The following RBFOX1 variants were observed in gnomAD, a reference collection of about 807,000 sequenced individuals.
RBFOX1 encodes the protein RNA binding fox-1 homolog 1.
In RBFOX1, 8 loss-of-function variants were observed where a neutral mutation model predicts 57.7. The ratio of observed to expected loss-of-function variants is 0.14; its 90% CI spans 0.08 to 0.25. The LOEUF is 0.25. Ranked by LOEUF, RBFOX1 falls within the 10% of genes least tolerant of loss-of-function variation. The pLI is 1.00. For missense variants in RBFOX1, 611 were observed against 548.5 expected, an observed-to-expected ratio of 1.11 and a Z score of -1.14; for synonymous variants, 326 against 222.4, an observed-to-expected ratio of 1.47 and a Z score of -4.15.
intron 2 of RBFOX1, among the ~76,000 whole-genome samples, chr16:6,554,606 C>G (rs750705484): frequency 6.6e-6 from 1 of 152,074 alleles, no homozygotes; most frequent in African/African-American, 2.4e-5. Flanking sequence ...TAAATAAACC[C>G]AAATTTAAAG....
intron 1 of RBFOX1, among the ~76,000 whole-genome samples, chr16:6,146,018 A>G (rs911307063): frequency 3.3e-5 from 5 of 152,202 alleles, no homozygotes; most frequent in African/African-American, 9.6e-5. Context: ...GGAGGTTAAG[A>G]TGATAATCTA....
intron 5 of RBFOX1, among the ~76,000 whole-genome samples, chr16:7,574,250 G>A (rs2093085744): frequency 1.3e-5 from 2 of 152,138 alleles, no homozygotes; most frequent in South Asian, 4.1e-4. Flanking sequence ...GCTGGAGAGA[G>A]GAAGACTTAA....
At chr16:6,478,429 A>T (rs79399608) in intron 2 of RBFOX1, among the ~76,000 whole-genome samples, 7,083 of 23,826 alleles carry the variant, frequency 0.3, 917 homozygotes, top group Non-Finnish European at 0.32. Flanking sequence ...ATATATATAT[A>T]TTTTTTTTTT....
intron 4 of RBFOX1, among the ~76,000 whole-genome samples, chr16:7,462,074 T>C (rs752041602): frequency 1.3e-5 from 2 of 152,190 alleles, no homozygotes; most frequent in Admixed American, 6.5e-5. Flanking sequence ...GAAAATCTTC[T>C]CCTGGGGTTC....
intron 4 of RBFOX1, among the ~76,000 whole-genome samples, chr16:7,136,404 A>ATTTTTTTTTTTTTTT (rs35623726): frequency 9.0e-6 from 1 of 110,942 alleles, no homozygotes; most frequent in African/African-American, 3.5e-5. Context: ...TCATCTTGGG[A>ATTTTTTTTTTTTTTT]TTTTTTTTTT....
intron 4 of RBFOX1, among the ~76,000 whole-genome samples, chr16:6,002,758 G>A (rs2060623339): frequency 6.6e-6 from 1 of 152,206 alleles, no homozygotes; most frequent in Admixed American, 6.5e-5. Flanking sequence ...CCATATTTAT[G>A]TTTGCTAATT....
intron 1 of RBFOX1, among the ~76,000 whole-genome samples, chr16:6,224,468 T>A (rs1444017562): frequency 6.6e-6 from 1 of 152,160 alleles, no homozygotes. Flanking sequence ...TAGGCAGTGC[T>A]GATGTTGCTG....
At chr16:5,483,599 C>A (rs1028103277) in intron 2 of RBFOX1, among the ~76,000 whole-genome samples, 1 of 152,198 alleles carries the variant, frequency 6.6e-6, no homozygotes, top group Non-Finnish European at 1.5e-5. Flanking sequence ...ATACGGTGAA[C>A]TTGCTACCTC....
intron 2 of RBFOX1, among the ~76,000 whole-genome samples, chr16:6,519,427 G>T (rs182741560): frequency 6.6e-6 from 1 of 152,148 alleles, no homozygotes; most frequent in Non-Finnish European, 1.5e-5. Context: ...GTGGCTGGGC[G>T]CAGTGGCTCA....
At chr16:7,297,277 G>A (rs148846512) in intron 4 of RBFOX1, among the ~76,000 whole-genome samples, 35 of 152,346 alleles carry the variant, frequency 2.3e-4, no homozygotes, top group Admixed American at 1.4e-3. Context: ...CACCCTGTGA[G>A]ATGGGTAATT....
intron 3 of RBFOX1, among the ~76,000 whole-genome samples, chr16:6,752,216 C>A (rs76462517): frequency 6.6e-6 from 1 of 152,112 alleles, no homozygotes; most frequent in African/African-American, 2.4e-5. Context: ...CATCAGGCAA[C>A]ATTAAGATAG....
At chr16:7,488,205 G>A (rs2065926044) in intron 4 of RBFOX1, among the ~76,000 whole-genome samples, 2 of 152,164 alleles carry the variant, frequency 1.3e-5, no homozygotes, top group South Asian at 2.1e-4. Flanking sequence ...GCTCATCCCT[G>A]CAGGAGGGGC....
Position 5,985,339 on chromosome 16 carries a change from C to T in RBFOX1, c.351+118004C>T, listed in dbSNP as rs956665039. On this transcript the variant is annotated intron_variant, in intron 4 of 19. Transcript: ENST00000641259. Reference sequence around the variant, plus strand: ...GCCATTGTCATGGATGCCATCCATCCTTGGTGAGAAACTCATTCTGCAGTT... The same window carrying T: ...GCCATTGTCATGGATGCCATCCATCTTTGGTGAGAAACTCATTCTGCAGTT... 2.0e-5 allele frequency among the ~76,000 whole-genome samples: 3 copies of T among 151,992 alleles called. No homozygotes were observed. In the South Asian group the frequency reaches 6.3e-4, roughly 32 times the overall value.
chr16:6,716,023 A>AT (rs35247569), intron 3 of RBFOX1, among the ~76,000 whole-genome samples: 107,048 of 151,846 alleles, frequency 0.7, 38,136 homozygotes, highest in Middle Eastern at 0.84. Context: ...GCCTACATAA[A>AT]GAAGCCACTT....
At chr16:6,635,429 A>G (rs1029015450) in intron 2 of RBFOX1, among the ~76,000 whole-genome samples, 1 of 152,120 alleles carries the variant, frequency 6.6e-6, no homozygotes, top group African/African-American at 2.4e-5. Context: ...TGGTGCCACA[A>G]GGAACAGTCA....
rs143484480 is a variant in RBFOX1, at chr16:7,419,817, C to T, written c.28-98330C>T. ...ACTGAAGAAATAGTTCTGCTTTTTC[C>T]AGATGCCTAATGGAGGCATGTCCTT... is the stretch of plus-strand genomic sequence containing the variant. On this transcript the variant is annotated intron_variant, in intron 4 of 15. Transcript: ENST00000550418. 5.4e-4 allele frequency among the ~76,000 whole-genome samples: 82 copies of T among 152,248 alleles called. No individual in the cohort carries two copies. The East Asian group carries it at 0.015, about 29-fold the overall frequency.
intron 4 of RBFOX1, among the ~76,000 whole-genome samples, chr16:7,284,504 A>T (rs576658835): frequency 2.6e-5 from 4 of 152,024 alleles, no homozygotes; most frequent in African/African-American, 9.6e-5. Flanking sequence ...TTAATTTTTT[A>T]ACTTCTTGTA....
In RBFOX1 at chr16:5,565,640, A is replaced by C. The variant is rs187020531; in HGVS notation, c.259-33262A>C. 1.3e-3 allele frequency among the ~76,000 whole-genome samples: 190 copies of C among 149,302 alleles called. 3 individuals are homozygous for C. In the East Asian group the frequency reaches 0.034, roughly 27 times the overall value. Reference sequence around the variant, plus strand: ...AACTCTGCCTTACATAAATAAATAAATAAATAAATAAATAAATAAATAAAT... The same window carrying C: ...AACTCTGCCTTACATAAATAAATAACTAAATAAATAAATAAATAAATAAAT... On this transcript the variant is annotated intron_variant, in intron 2 of 2. Coordinates refer to the RBFOX1 transcript ENST00000585867.
chr16:7,513,889 A>G (rs1412359945), intron 4 of RBFOX1, among the ~76,000 whole-genome samples: 2 of 152,160 alleles, frequency 1.3e-5, no homozygotes, highest in East Asian at 1.9e-4. Context: ...AAATTCCCCA[A>G]AAGATTCTGA....
Sources: allele counts gnomAD v4.1 joint callset (sites outside exome capture counted in the v4.1 genomes callset), GRCh38; gene constraint gnomAD v4.1.1; transcripts MANE v1.5; gene names NCBI Gene and HGNC (gene_info 2026-07-23, HGNC 2026-07-21).